Variants in EFNB2 observed in about 807,000 individuals in gnomAD.
The protein encoded by EFNB2 is ephrin B2.
EFNB2 carries 5 observed loss-of-function variants against 32.1 expected under a neutral mutation model. The observed-to-expected ratio is 0.16, with a 90% CI of 0.08 to 0.33. The LOEUF is 0.33. EFNB2 is among the 10% of genes least tolerant of loss of function. EFNB2 has a pLI of 1.00. For missense variants in EFNB2, 263 were observed against 422.6 expected (o/e 0.62, Z 3.31); for synonymous variants, 168 against 166.5 (o/e 1.01, Z -0.07).
intron 2 of EFNB2, among the ~76,000 whole-genome samples, chr13:106,503,085 G>C (rs1051524989): frequency 6.6e-6 from 1 of 152,122 alleles, no homozygotes; most frequent in African/African-American, 2.4e-5. Context: ...TATTTATGGA[G>C]TTGTTTATTT....
At chr13:106,521,856 T>C (rs868409673) in intron 1 of EFNB2, among the ~76,000 whole-genome samples, 2 of 151,898 alleles carry the variant, frequency 1.3e-5, no homozygotes, top group Non-Finnish European at 2.9e-5. Context: ...CAGAAGGGCA[T>C]ACCTATAAAT....
At chr13:106,503,058 G>A (rs777128638) in intron 2 of EFNB2, among the ~76,000 whole-genome samples, 1 of 152,144 alleles carries the variant, frequency 6.6e-6, no homozygotes, top group Non-Finnish European at 1.5e-5. Context: ...CTAGAGACAT[G>A]TTTAACAACA....
At chr13:106,532,833 AGTG>A (rs2138949644) in intron 1 of EFNB2, among the ~76,000 whole-genome samples, 1 of 140,858 alleles carries the variant, frequency 7.1e-6, no homozygotes, top group African/African-American at 2.6e-5. Context: ...GGGGGGGGGG[AGTG>A]GTGAGTACCT....
At chr13:106,519,921 T>G (rs1484028674) in intron 1 of EFNB2, 1 of 152,184 alleles carries the variant, frequency 6.6e-6, no homozygotes, top group East Asian at 1.9e-4. Context: ...TTGATGCAAT[T>G]CCCTAACAAG....
chr13:106,495,596 G>T lies in EFNB2; in HGVS notation c.499+152C>A, dbSNP rs547450125. 1.4e-5 allele frequency: 10 copies of T among 711,822 alleles called. No individual in the cohort carries two copies. In the African/African-American group the frequency reaches 1.8e-4, roughly 13 times the overall value. The allele number at this position is 711,822 out of a possible 1,614,324, so 44.1% of individuals were successfully genotyped here. ...ATAAAAGCTTAGTACATTGACTTGA[G>T]GAAATCTGTCAGTGGCTCAAAGTGC... On this transcript the variant is annotated intron_variant, in intron 3 of 4. Coordinates refer to ENST00000646441, the MANE Select transcript of EFNB2 (RefSeq NM_004093.4).
At position 106,493,490 on chromosome 13, in the gene EFNB2, G is replaced by A; in HGVS notation, c.614-62C>T. 6.5e-7 allele frequency: 1 copy of A among 1,535,908 alleles called. No homozygotes were observed. Among genetic ancestry groups the A allele is most frequent in the Non-Finnish European group, 8.8e-7 (1 of 1,142,282 alleles). ...ACTGCTGTCCCAGTGCAGACGGACT[G>A]CTTTTATGACCCTTAAAAATGTGAA... is the stretch of plus-strand genomic sequence containing the variant. On this transcript the variant is annotated intron_variant, in intron 4 of 4. Coordinates refer to ENST00000646441, the MANE Select transcript of EFNB2 (RefSeq NM_004093.4). This position sits in a 1 kb window ranked among gnomAD's most constrained non-coding sequence, Gnocchi z 6.1.
chr13:106,535,349 C>A lies in EFNB2; in HGVS notation c.-385G>T, dbSNP rs1325098650. 3.3e-5 allele frequency: 5 copies of A among 150,826 alleles called. No homozygotes were observed. The highest frequency in any genetic ancestry group is 5.9e-5 in the Non-Finnish European group (4 of 67,636). 9.3% of individuals were successfully genotyped at this position (150,826 alleles called of 1,614,324 possible). On this transcript the variant is annotated 5_prime_UTR_variant, in exon 1 of 5. Transcript: ENST00000646441. ...GAGCGGAGACGACCGGCGCGGGCGG[C>A]GGGCGCTGCGCCCCGAGCGGGGCCG...
Position 106,535,396 on chromosome 13 carries a change from C to T in EFNB2, c.-432G>A. 1 of 150,418 alleles carries T rather than the reference C, an allele frequency of 6.6e-6. No homozygotes were observed. Among genetic ancestry groups the T allele is most frequent in the Non-Finnish European group, 1.5e-5 (1 of 67,540 alleles). The allele number at this position is 150,418 out of a possible 1,614,324, so 9.3% of individuals were successfully genotyped here. A position where few individuals can be genotyped will look rare whatever the true frequency, so the allele number is the denominator to read the frequency against. ...GCCGCCTGTGACTATAGATCCAGTG[C>T]AGCGGGCAGCGGCCCGAGCGCGCGG... On this transcript the variant is annotated 5_prime_UTR_variant, in exon 1 of 5. Coordinates refer to ENST00000646441, the MANE Select transcript of EFNB2 (RefSeq NM_004093.4).
chr13:106,533,670 C>A (rs1424790745), intron 1 of EFNB2, among the ~76,000 whole-genome samples: 1 of 152,154 alleles, frequency 6.6e-6, no homozygotes, highest in Non-Finnish European at 1.5e-5. Flanking sequence ...TCCCCCATTT[C>A]TTTTCTCCTA....
At chr13:106,496,998 C>G (rs575913119) in intron 2 of EFNB2, among the ~76,000 whole-genome samples, 1 of 152,320 alleles carries the variant, frequency 6.6e-6, no homozygotes, top group African/African-American at 2.4e-5. Context: ...TAACACTGTA[C>G]TTTGCAAGGG....
At chr13:106,506,680 C>G (rs969783928) in intron 2 of EFNB2, 3 of 152,226 alleles carry the variant, frequency 2.0e-5, no homozygotes, top group African/African-American at 7.2e-5. Flanking sequence ...CAGCCGAACA[C>G]AGGTCTGCCT....
At chr13:106,494,853 T>G in intron 4 of EFNB2, 28 bp downstream of exon 4, 1 of 1,548,834 alleles carries the variant, frequency 6.5e-7, no homozygotes. Flanking sequence ...CCCACAGACC[T>G]CCATACACAC....
chr13:106,492,801 C>T lies in EFNB2; in HGVS notation c.*239G>A, dbSNP rs908719358. 1.8e-5 allele frequency: 9 copies of T among 490,548 alleles called. No individual in the cohort carries two copies. The highest frequency in any genetic ancestry group is 2.2e-5 in the Non-Finnish European group (6 of 277,448). The allele number at this position is 490,548 out of a possible 1,614,324, so 30.4% of individuals were successfully genotyped here. A position where few individuals can be genotyped will look rare whatever the true frequency, so the allele number is the denominator to read the frequency against. On this transcript the variant is annotated 3_prime_UTR_variant, in exon 5 of 5. Coordinates refer to ENST00000646441, the MANE Select transcript of EFNB2 (RefSeq NM_004093.4). The surrounding 1 kb of genome is among the most constrained non-coding windows in gnomAD (Gnocchi z 5.1). ...AGACGTGGGACGCGGCACAGCAGTC[C>T]GAATGGGCGTCTTCTGCACAGTCTT...
chr13:106,526,203 A>G (rs1051840376), intron 1 of EFNB2, among the ~76,000 whole-genome samples: 3 of 152,194 alleles, frequency 2.0e-5, no homozygotes, highest in Non-Finnish European at 2.9e-5. Context: ...CCATCGTCTC[A>G]GGTCTCATCC....
At chr13:106,520,268 A>G (rs550723013) in intron 1 of EFNB2, 1 of 152,348 alleles carries the variant, frequency 6.6e-6, no homozygotes, top group African/African-American at 2.4e-5. Context: ...ATTAAATGTC[A>G]AAGCCTACAG....
At position 106,505,340 on chromosome 13, in the gene EFNB2, T is replaced by A. The variant is rs148123910; in HGVS notation, c.406+7189A>T. On this transcript the variant is annotated intron_variant, in intron 2 of 4. Transcript: ENST00000646441. ...CTGTTGTAAACTAACAACGCCGGCC[T>A]AAGGGTCCAGCGGCCCTGGACTGAG... Among the ~76,000 whole-genome samples the A allele has an allele frequency of 3.0e-3, 459 of 152,322 alleles. 1 individual carries two copies. Among genetic ancestry groups the A allele is most frequent in the African/African-American group, 0.011 (437 of 41,578 alleles).
Position 106,518,381 on chromosome 13 carries a change from T to C in EFNB2, c.123-5569A>G, listed in dbSNP as rs1337696769. ...CATTATGCAACACAATATTCTTTAA[T>C]ATTAATAGACTAGAACACAGCATAA... On this transcript the variant is annotated intron_variant, in intron 1 of 4. Coordinates refer to ENST00000646441, the MANE Select transcript of EFNB2 (RefSeq NM_004093.4). This position sits in a 1 kb window ranked among gnomAD's most constrained non-coding sequence, Gnocchi z 4.1. The C allele has an allele frequency of 6.6e-6, 1 of 152,190 alleles. No individual in the cohort carries two copies. The highest frequency in any genetic ancestry group is 1.5e-5 in the Non-Finnish European group (1 of 68,046). The allele number at this position is 152,190 out of a possible 1,614,324, so 9.4% of individuals were successfully genotyped here. A position where few individuals can be genotyped will look rare whatever the true frequency, so the allele number is the denominator to read the frequency against.
Position 106,504,403 on chromosome 13 carries a change from CATGGACACACACAGCTTAG to C in EFNB2, c.406+8107_406+8125del, listed in dbSNP as rs1455686595. Among the ~76,000 whole-genome samples the C allele has an allele frequency of 2.9e-4, 44 of 152,316 alleles. 1 individual carries two copies. The East Asian group carries it at 6.2e-3, about 21-fold the overall frequency. On this transcript the variant is annotated intron_variant, in intron 2 of 4. Coordinates refer to ENST00000646441, the MANE Select transcript of EFNB2 (RefSeq NM_004093.4). ...TGCAGAGGAGAAAATGCGTCACTCT[CATGGACACACACAGCTTAG>C]ATGGACATCACAGCTTAGATGGACA... is the stretch of plus-strand genomic sequence containing the variant.
intron 2 of EFNB2, among the ~76,000 whole-genome samples, chr13:106,510,421 C>A (rs1879102062): frequency 6.6e-6 from 1 of 152,190 alleles, no homozygotes; most frequent in Non-Finnish European, 1.5e-5. Flanking sequence ...CACTTGCGCC[C>A]AGTGCGAACT....
Sources: gnomAD v4.1 joint callset for allele counts (sites outside exome capture counted in the v4.1 genomes callset) on GRCh38, gnomAD v4.1.1 for gene constraint, Gnocchi (gnomAD v3.1) non-coding constraint, MANE v1.5 for transcripts, NCBI Gene and HGNC (gene_info 2026-07-23, HGNC 2026-07-21) for gene names.